ARMC2: variants seen among roughly 807,000 people sequenced by gnomAD.
The protein encoded by ARMC2 is armadillo repeat containing 2.
In ARMC2, 67 loss-of-function variants were observed where a neutral mutation model predicts 90.3. That is an observed-to-expected ratio of 0.74 (90% CI 0.61 to 0.91). The LOEUF (loss-of-function observed/expected upper bound fraction) is 0.91, where lower values mean the gene tolerates loss of function less well. Among genes scored for constraint, ARMC2 ranks in the 40% least tolerant of loss-of-function variants. ARMC2 has a pLI of 0.00. For synonymous variants in ARMC2, 393 were observed against 393.0 expected, an observed-to-expected ratio of 1.00 and a Z score of 0.00; for missense variants, 920 against 1,030.9, an observed-to-expected ratio of 0.89 and a Z score of 1.47.
the ARMC2 span, chr6:109,009,006 C>A: frequency 2.1e-4 from 211 of 1,024,880 alleles, no homozygotes; most frequent in African/African-American, 3.3e-3. Flanking sequence ...GACTCGAGGT[C>A]TGCTGGATTT....
At chr6:108,998,443 A>G in the ARMC2 span, 5 of 1,575,324 alleles carry the variant, frequency 3.2e-6, no homozygotes, top group South Asian at 4.7e-5. Context: ...TAAGAAGCCA[A>G]CTGAAGAAAT....
intron 17 of ARMC2, 71 bp from the exon 18 acceptor site, chr6:108,973,286 A>T: frequency 2.2e-6 from 3 of 1,365,506 alleles, no homozygotes; most frequent in Middle Eastern, 1.9e-4. Context: ...AACTCATATC[A>T]TCAAAATTAA....
intron 12 of ARMC2, among the ~76,000 whole-genome samples, chr6:108,942,296 A>G (rs753319687): frequency 1.2e-4 from 19 of 152,190 alleles, no homozygotes; most frequent in Admixed American, 1.1e-3. Flanking sequence ...TCTTCTTCCT[A>G]GTTTGGAGGA....
At chr6:109,041,388 A>G in the ARMC2 span, among the ~76,000 whole-genome samples, 1 of 152,160 alleles carries the variant, frequency 6.6e-6, no homozygotes, top group African/African-American at 2.4e-5. Context: ...TCTCATCTCC[A>G]ACAACTCAGT....
intron 12 of ARMC2, among the ~76,000 whole-genome samples, chr6:108,948,541 T>C (rs2128501284): frequency 6.6e-6 from 1 of 150,648 alleles, no homozygotes. Flanking sequence ...CGGCGCAATC[T>C]GCCATCCCAT....
chr6:109,042,628 A>C, the ARMC2 span, among the ~76,000 whole-genome samples: 1 of 151,940 alleles, frequency 6.6e-6, no homozygotes, highest in Non-Finnish European at 1.5e-5. Context: ...AAAATGGGTC[A>C]ATTCCCACCA....
At chr6:108,971,821 T>C (rs1464811060) in intron 17 of ARMC2, among the ~76,000 whole-genome samples, 1 of 150,238 alleles carries the variant, frequency 6.7e-6, no homozygotes, top group African/African-American at 2.5e-5. Context: ...CTCAGGAGGC[T>C]GAGGCAGAGG....
the ARMC2 span, among the ~76,000 whole-genome samples, chr6:108,988,049 C>T: frequency 6.6e-6 from 1 of 152,140 alleles, no homozygotes; most frequent in Non-Finnish European, 1.5e-5. Context: ...CTGCCTTGGC[C>T]TCCCCAAGTG....
At chr6:108,872,485 C>T (rs1776520801) in intron 4 of ARMC2, among the ~76,000 whole-genome samples, 1 of 152,188 alleles carries the variant, frequency 6.6e-6, no homozygotes. Flanking sequence ...TCCCTCTTGC[C>T]TCATCCTGTT....
chr6:108,996,556 T>C, the ARMC2 span, among the ~76,000 whole-genome samples: 1 of 152,166 alleles, frequency 6.6e-6, no homozygotes, highest in Admixed American at 6.5e-5. Flanking sequence ...AGGTAATTCT[T>C]GATAAATTAT....
the ARMC2 span, among the ~76,000 whole-genome samples, chr6:108,984,447 G>A: frequency 6.6e-6 from 1 of 152,126 alleles, no homozygotes; most frequent in Non-Finnish European, 1.5e-5. Flanking sequence ...TAGAAGGGGA[G>A]CTCCCCAGAC....
chr6:108,865,071 C>T (rs1775677444), intron 3 of ARMC2, among the ~76,000 whole-genome samples: 1 of 151,266 alleles, frequency 6.6e-6, no homozygotes, highest in Non-Finnish European at 1.5e-5. Flanking sequence ...CAACCTCCAC[C>T]TCCCAGGTTC....
chr6:108,892,009 G>T (rs151338807), intron 5 of ARMC2, among the ~76,000 whole-genome samples: 1 of 152,316 alleles, frequency 6.6e-6, no homozygotes, highest in African/African-American at 2.4e-5. Flanking sequence ...TAGAAGTGGG[G>T]ATACATGCGT....
At chr6:108,990,545 T>C in the ARMC2 span, 1 of 1,059,180 alleles carries the variant, frequency 9.4e-7, no homozygotes, top group South Asian at 1.4e-5. Flanking sequence ...AGGGGATGGG[T>C]TTTGATTATG....
the ARMC2 span, among the ~76,000 whole-genome samples, chr6:109,041,989 C>T: frequency 2.6e-5 from 4 of 152,078 alleles, no homozygotes; most frequent in South Asian, 8.3e-4. Flanking sequence ...GAAAATCATG[C>T]AAAGTATGTG....
chr6:109,048,542 T>C, the ARMC2 span, among the ~76,000 whole-genome samples: 14,024 of 152,178 alleles, frequency 0.092, 863 homozygotes, highest in Middle Eastern at 0.19. Flanking sequence ...AGAAGGGCCT[T>C]TACAAAATCT....
At chr6:108,919,601 G>A (rs1774344819) in intron 10 of ARMC2, among the ~76,000 whole-genome samples, 1 of 152,054 alleles carries the variant, frequency 6.6e-6, no homozygotes, top group Non-Finnish European at 1.5e-5. Context: ...CAGTAGATGA[G>A]GTTTTTAATT....
At chr6:108,926,357 G>A (rs1467136204) in intron 10 of ARMC2, among the ~76,000 whole-genome samples, 1 of 152,162 alleles carries the variant, frequency 6.6e-6, no homozygotes, top group African/African-American at 2.4e-5. Flanking sequence ...AGGTGGAAAC[G>A]GGGTCAGATG....
chr6:109,046,598 G>A, the ARMC2 span, among the ~76,000 whole-genome samples: 2 of 142,960 alleles, frequency 1.4e-5, no homozygotes, highest in African/African-American at 5.1e-5. Context: ...GGAAAGTGAG[G>A]AGCGTCTGCG....
Sources: allele counts gnomAD v4.1 joint callset (sites outside exome capture counted in the v4.1 genomes callset), GRCh38; gene constraint gnomAD v4.1.1; transcripts MANE v1.5; gene names NCBI Gene and HGNC (gene_info 2026-07-23, HGNC 2026-07-21).